Variants in NFYC observed in about 807,000 individuals in gnomAD.
The protein encoded by NFYC is nuclear transcription factor Y subunit gamma, also known as CAAT box DNA-binding protein subunit C.
Under a neutral mutation model 53.1 loss-of-function variants are expected in NFYC, and 25 were observed. That is an observed-to-expected ratio of 0.47 (90% CI 0.34 to 0.66). The LOEUF is 0.66. Among genes scored for constraint, NFYC ranks in the 30% least tolerant of loss-of-function variants. The pLI, the probability that NFYC is intolerant of heterozygous loss-of-function variation, is 0.01. For synonymous variants in NFYC, 145 were observed against 152.6 expected (o/e 0.95, Z 0.37); for missense variants, 260 against 422.7 (o/e 0.62, Z 3.38).
chr1:40,721,996 C>T (rs952400659), intron 1 of NFYC, among the ~76,000 whole-genome samples: 3 of 152,012 alleles, frequency 2.0e-5, no homozygotes, highest in African/African-American at 4.8e-5. Flanking sequence ...CGGTGAAACC[C>T]TGTCTCTACT....
intron 2 of NFYC, among the ~76,000 whole-genome samples, chr1:40,740,259 A>G (rs996444432): frequency 2.6e-5 from 4 of 152,138 alleles, no homozygotes. Context: ...TGACGTTACA[A>G]TGTCAGTTTA....
intron 2 of NFYC, among the ~76,000 whole-genome samples, chr1:40,742,355 G>A (rs1645395953): frequency 6.6e-6 from 1 of 152,116 alleles, no homozygotes; most frequent in South Asian, 2.1e-4. Flanking sequence ...ACATGAGTGT[G>A]CAAATACCTC....
intron 4 of NFYC, among the ~76,000 whole-genome samples, chr1:40,752,027 G>C (rs1557879734): frequency 6.6e-6 from 1 of 152,118 alleles, no homozygotes; most frequent in Non-Finnish European, 1.5e-5. Context: ...ATCCTCTCCT[G>C]TTTTGTCCGA....
rs1404698955 is a variant in NFYC, at chr1:40,763,041, A to C, written c.715A>C (p.Ile239Leu). 6.3e-7 allele frequency: 1 copy of C among 1,597,018 alleles called. No homozygotes were observed. The highest frequency in any genetic ancestry group is 1.3e-5 in the African/African-American group (1 of 74,284). ...IITNTGEIQQ[I>L]PVQLNAGQLQ... Reference sequence around the variant, plus strand: ...CACTAACACAGGAGAGATCCAGCAGATCCCGGTGAGTCCTGCCCTGAGGTC... The same window carrying C: ...CACTAACACAGGAGAGATCCAGCAGCTCCCGGTGAGTCCTGCCCTGAGGTC... The change falls in exon 7 of 10, where the codon ATC (isoleucine) becomes CTC (leucine). Residue 239 changes from isoleucine (I) to leucine (L), a missense_variant. Coordinates refer to ENST00000447388, the MANE Select transcript of NFYC (RefSeq NM_014223.5).
At chr1:40,736,147 C>G (rs1375134829) in intron 1 of NFYC, among the ~76,000 whole-genome samples, 1 of 152,164 alleles carries the variant, frequency 6.6e-6, no homozygotes, top group Non-Finnish European at 1.5e-5. Flanking sequence ...GCCTCCACCA[C>G]AAGAAATTGG....
intron 1 of NFYC, among the ~76,000 whole-genome samples, chr1:40,707,493 AAGAG>A (rs143837443): frequency 0.12 from 17,465 of 140,442 alleles, 1,167 homozygotes; most frequent in African/African-American, 0.15. Context: ...AAAAAAAAAA[AAGAG>A]AGAGAGAGAG....
intron 1 of NFYC, among the ~76,000 whole-genome samples, chr1:40,697,479 A>T (rs968157798): frequency 6.6e-6 from 1 of 152,186 alleles, no homozygotes; most frequent in African/African-American, 2.4e-5. Context: ...TCAGGGAAAG[A>T]TTGTTTCCTG....
At chr1:40,747,427 G>C in intron 2 of NFYC, 107 bp from the exon 3 acceptor site, 1 of 703,924 alleles carries the variant, frequency 1.4e-6, no homozygotes, top group Non-Finnish European at 2.5e-6. Context: ...CCCGACATAC[G>C]CTTCCTGAAG....
At chr1:40,757,923 C>G (rs898689240) in intron 5 of NFYC, 198 bp from the exon 6 acceptor site, 11 of 614,476 alleles carry the variant, frequency 1.8e-5, no homozygotes, top group African/African-American at 1.7e-4. Flanking sequence ...TTTGTGAAGC[C>G]TATAGGATCT....
chr1:40,749,879 T>A (rs1463531421), intron 4 of NFYC, among the ~76,000 whole-genome samples, 193 bp downstream of exon 4: 1 of 152,212 alleles, frequency 6.6e-6, no homozygotes, highest in East Asian at 1.9e-4. Context: ...GAGGCAGACA[T>A]ACCTTCTAGC....
At chr1:40,752,917 G>C (rs1645994097) in intron 4 of NFYC, among the ~76,000 whole-genome samples, 1 of 152,094 alleles carries the variant, frequency 6.6e-6, no homozygotes, top group Admixed American at 6.5e-5. Context: ...TGGAGGCTCA[G>C]ATACCCCATT....
chr1:40,738,768 T>C, intron 1 of NFYC, 68 bp from the exon 2 acceptor site: 1 of 1,111,726 alleles, frequency 9.0e-7, no homozygotes, highest in Non-Finnish European at 1.4e-6. Context: ...AATATACAAA[T>C]GCCTAATCTG....
intron 7 of NFYC, among the ~76,000 whole-genome samples, chr1:40,764,218 A>G (rs987292412): frequency 1.3e-5 from 2 of 152,238 alleles, no homozygotes; most frequent in African/African-American, 4.8e-5. Flanking sequence ...CATTTTTGTC[A>G]TAAATGAAAC....
chr1:40,770,899 C>A lies in NFYC; in HGVS notation c.*71C>A. The stretch of plus-strand genomic sequence containing the variant: ...ATACAGCCCCAGGCAATGGGCACAG[C>A]CTTCCTCCCCAGAGGACCCGGCCGA... On this transcript the variant is annotated 3_prime_UTR_variant, in exon 10 of 10. Coordinates refer to ENST00000447388, the MANE Select transcript of NFYC (RefSeq NM_014223.5). This position sits in a 1 kb window ranked among gnomAD's most constrained non-coding sequence, Gnocchi z 5.3. 5 of 1,542,538 alleles carry A rather than the reference C, an allele frequency of 3.2e-6. No individual in the cohort carries two copies. The South Asian group carries it at 3.5e-5, about 11-fold the overall frequency.
Position 40,763,035 on chromosome 1 carries a change from C to T in NFYC, c.709C>T (p.Gln237Ter). 2.5e-6 allele frequency: 4 copies of T among 1,598,584 alleles called. No homozygotes were observed. The highest frequency in any genetic ancestry group is 3.4e-6 in the Non-Finnish European group (4 of 1,170,868). ...GATCATCACTAACACAGGAGAGATC[C>T]AGCAGATCCCGGTGAGTCCTGCCCT... Reference protein sequence around the residue: ...QQIITNTGEIQQIPVQLNAGQ... With the variant: ...QQIITNTGEI The change falls in exon 7 of 10, where the codon CAG becomes TAG. Residue 237 changes from glutamine (Q) to a stop codon, truncating the protein, a stop_gained. Transcript: ENST00000447388. LOFTEE classifies it high-confidence loss of function.
At position 40,728,412 on chromosome 1, in the gene NFYC, C is replaced by T. The variant is rs189168498; in HGVS notation, c.-8-10424C>T. On this transcript the variant is annotated intron_variant, in intron 1 of 9. Coordinates refer to ENST00000447388, the MANE Select transcript of NFYC (RefSeq NM_014223.5). ...AAGAGTTTGAGACCAGTCTGGCCAA[C>T]GTGGCGAAACCCTGTCTTTACTAAA... 6.2e-4 allele frequency among the ~76,000 whole-genome samples: 95 copies of T among 152,020 alleles called. 1 individual carries two copies. In the East Asian group the frequency reaches 0.01, roughly 17 times the overall value.
At chr1:40,712,402 A>G (rs1290169134) in intron 1 of NFYC, 1 of 152,202 alleles carries the variant, frequency 6.6e-6, no homozygotes, top group East Asian at 1.9e-4. Context: ...TGTTAGATTT[A>G]GGAACCTCTC....
chr1:40,747,593 T>C lies in NFYC; in HGVS notation c.165T>C (p.Asp55=), dbSNP rs1449216966. 1.9e-6 allele frequency: 3 copies of C among 1,609,380 alleles called. No homozygotes were observed. The highest frequency in any genetic ancestry group is 2.6e-6 in the Non-Finnish European group (3 of 1,176,016). The change falls in exon 3 of 10, where the codon GAT becomes GAC. Residue 55 remains aspartate (D), a synonymous_variant. Transcript: ENST00000447388. ...GTATTAAGAAGATTATGAAACTGGATGAAGATGTGAAGGTGAATTCACATT... is the reference window on the plus strand; with the variant it reads ...GTATTAAGAAGATTATGAAACTGGACGAAGATGTGAAGGTGAATTCACATT... ...LARIKKIMKL[D]EDVKMISAEA...
intron 1 of NFYC, among the ~76,000 whole-genome samples, chr1:40,720,152 TCTC>T (rs1055650056): frequency 2.0e-5 from 3 of 152,264 alleles, no homozygotes; most frequent in African/African-American, 4.8e-5. Flanking sequence ...CTTTCTTTCT[TCTC>T]CTCTTTTAAA....
Sources: gnomAD v4.1 joint callset for allele counts (sites outside exome capture counted in the v4.1 genomes callset) on GRCh38, gnomAD v4.1.1 for gene constraint, Gnocchi (gnomAD v3.1) non-coding constraint, MANE v1.5 for transcripts, NCBI Gene and HGNC (gene_info 2026-07-23, HGNC 2026-07-21) for gene names.